The following LTBP1 variants were observed in gnomAD, a reference collection of about 807,000 sequenced individuals.
The protein encoded by LTBP1 is latent-transforming growth factor beta-binding protein 1.
A neutral mutation model predicts 207.6 loss-of-function variants in LTBP1; 129 were observed. That is an observed-to-expected ratio of 0.62 (90% CI 0.54 to 0.72). LTBP1 has a LOEUF of 0.72. Among genes scored for constraint, LTBP1 ranks in the 30% least tolerant of loss-of-function variants. LTBP1 has a pLI of 0.00. For synonymous variants in LTBP1, 963 were observed against 833.7 expected, an observed-to-expected ratio of 1.16 and a Z score of -2.67; for missense variants, 2,281 against 2,217.2, an observed-to-expected ratio of 1.03 and a Z score of -0.58.
At chr2:33,119,453 C>G (rs527787205) in intron 4 of LTBP1, among the ~76,000 whole-genome samples, 10 of 152,176 alleles carry the variant, frequency 6.6e-5, no homozygotes, top group Non-Finnish European at 1.5e-4. Flanking sequence ...GCTTTGTCTT[C>G]TCATGAATTA....
chr2:33,051,892 C>T (rs1180904860), intron 3 of LTBP1, among the ~76,000 whole-genome samples: 1 of 152,204 alleles, frequency 6.6e-6, no homozygotes, highest in African/African-American at 2.4e-5. Context: ...TAGGCACATA[C>T]TTTCATTTCC....
intron 3 of LTBP1, among the ~76,000 whole-genome samples, chr2:33,033,863 C>T (rs1360841038): frequency 6.6e-6 from 1 of 152,122 alleles, no homozygotes; most frequent in Non-Finnish European, 1.5e-5. Context: ...TGCTATTTTG[C>T]GTATGGACAG....
At chr2:33,259,692 C>A in intron 13 of LTBP1, 82 bp downstream of exon 13, 4 of 1,318,330 alleles carry the variant, frequency 3.0e-6, no homozygotes, top group Non-Finnish European at 4.2e-6. Context: ...ATTTTTTAGA[C>A]TTAAATATAG....
chr2:33,005,370 G>C (rs996256249), intron 2 of LTBP1, among the ~76,000 whole-genome samples: 1 of 152,148 alleles, frequency 6.6e-6, no homozygotes, highest in Non-Finnish European at 1.5e-5. Context: ...AGCTTAGCTG[G>C]GGTTGTTGGC....
rs1011892067 is a variant in LTBP1 at position 33,333,394 on chromosome 2, A to T, written c.3731-9444A>T. Among the ~76,000 whole-genome samples the T allele has an allele frequency of 3.3e-5, 5 of 152,330 alleles. No individual in the cohort carries two copies. The South Asian group carries it at 8.3e-4, about 25-fold the overall frequency. ...GGGTTAGAGGAGCAGGAGAAAACTC[A>T]GGATATCTTCTAGGATATTGTTATA... is the stretch of plus-strand genomic sequence containing the variant. On this transcript the variant is annotated intron_variant, in intron 24 of 33. Transcript: ENST00000404816.
chr2:33,229,530 C>T (rs1316096909), intron 9 of LTBP1, among the ~76,000 whole-genome samples: 1 of 152,054 alleles, frequency 6.6e-6, no homozygotes, highest in Non-Finnish European at 1.5e-5. Context: ...GAAAGTTGTA[C>T]AATACATTTC....
Position 33,326,640 on chromosome 2 carries a change from A to AATTTATTT in LTBP1, c.3730+11396_3730+11403dup, listed in dbSNP as rs10529829. Reference sequence around the variant, plus strand: ...TACTGAAAATGAGAATGAGGGATATAATTTATTTATTTATTTATTTATTTA... The same window carrying AATTTATTT: ...TACTGAAAATGAGAATGAGGGATATAATTTATTTATTTATTTATTTATTTATTTATTTA... On this transcript the variant is annotated intron_variant, in intron 24 of 33. Coordinates refer to ENST00000404816, the MANE Select transcript of LTBP1 (RefSeq NM_206943.4). Among the ~76,000 whole-genome samples, 692 of 144,648 alleles carry AATTTATTT rather than the reference A, an allele frequency of 4.8e-3. 5 individuals carry two copies. The highest frequency in any genetic ancestry group is 0.034 in the South Asian group (153 of 4,458). The allele number at this position is 144,648 out of a possible 152,430, so 94.9% of individuals were successfully genotyped here. A position where few individuals can be genotyped will look rare whatever the true frequency, so the allele number is the denominator to read the frequency against.
intron 2 of LTBP1, among the ~76,000 whole-genome samples, chr2:32,972,908 T>A (rs964930554): frequency 6.6e-6 from 1 of 152,196 alleles, no homozygotes. Flanking sequence ...TCTCAGGTAG[T>A]ATCGTTATAG....
intron 19 of LTBP1, among the ~76,000 whole-genome samples, chr2:33,287,452 AAG>A (rs1487307335): frequency 1.3e-5 from 2 of 152,346 alleles, no homozygotes; most frequent in East Asian, 1.9e-4. Flanking sequence ...AGGAAAATAA[AAG>A]AGCATAGAAA....
At chr2:33,390,839 G>A (rs1049630398) in intron 32 of LTBP1, among the ~76,000 whole-genome samples, 12 of 152,004 alleles carry the variant, frequency 7.9e-5, no homozygotes, top group African/African-American at 2.9e-4. Context: ...GTTTGACTTA[G>A]GACTTTAGAG....
At chr2:33,072,362 T>C (rs1445942100) in intron 3 of LTBP1, among the ~76,000 whole-genome samples, 8 of 152,126 alleles carry the variant, frequency 5.3e-5, no homozygotes, top group Non-Finnish European at 8.8e-5. Context: ...GGAGACTTCA[T>C]TGGATAGGCA....
intron 7 of LTBP1, among the ~76,000 whole-genome samples, chr2:33,214,695 G>T (rs2090553458): frequency 6.6e-6 from 1 of 152,122 alleles, no homozygotes; most frequent in African/African-American, 2.4e-5. Context: ...GTCACTCATT[G>T]TTTATCCAGT....
intron 3 of LTBP1, among the ~76,000 whole-genome samples, chr2:33,082,005 C>T (rs1263666575): frequency 6.6e-6 from 1 of 152,136 alleles, no homozygotes; most frequent in Non-Finnish European, 1.5e-5. Flanking sequence ...ATAAATTACC[C>T]AGTCTTGGGT....
chr2:32,948,574 A>G (rs1676627513), intron 1 of LTBP1, among the ~76,000 whole-genome samples: 1 of 152,184 alleles, frequency 6.6e-6, no homozygotes, highest in South Asian at 2.1e-4. Flanking sequence ...GAAAAAATAA[A>G]TTTGGCTCTA....
intron 2 of LTBP1, among the ~76,000 whole-genome samples, chr2:33,003,651 C>A (rs1183128130): frequency 6.6e-6 from 1 of 152,156 alleles, no homozygotes; most frequent in African/African-American, 2.4e-5. Context: ...TTCCTTCCAA[C>A]CTTGTGGAAA....
At chr2:33,366,905 A>G (rs2094995260) in intron 31 of LTBP1, among the ~76,000 whole-genome samples, 1 of 152,116 alleles carries the variant, frequency 6.6e-6, no homozygotes, top group African/African-American at 2.4e-5. Flanking sequence ...TTATTTATGC[A>G]GTGGTTTTAT....
intron 7 of LTBP1, among the ~76,000 whole-genome samples, chr2:33,216,645 TC>T (rs1266022629): frequency 6.6e-6 from 1 of 152,196 alleles, no homozygotes; most frequent in East Asian, 1.9e-4. Context: ...CCTTGGATGC[TC>T]TGTGTTTGCA....
intron 32 of LTBP1, among the ~76,000 whole-genome samples, chr2:33,394,197 C>T (rs1558355656): frequency 1.3e-5 from 2 of 151,960 alleles, no homozygotes; most frequent in African/African-American, 4.8e-5. Context: ...GATATTAGCC[C>T]TTTTGTCAGA....
rs767996077 is a variant in LTBP1, at chr2:33,397,248, G to T, written c.4950G>T (p.Gly1650=). The stretch of plus-strand genomic sequence containing the variant: ...GTTACACCTGCGATTGCTTTGATGG[G>T]TATCACTTGGATACGGCCAAGATGA... ...QEGYTCDCFD[G]YHLDTAKMTC... Residue 1650 remains glycine (G), a synonymous_variant, in exon 33 of 34, where the codon GGG becomes GGT. Transcript: ENST00000404816. 3.1e-6 allele frequency: 5 copies of T among 1,613,950 alleles called. No homozygotes were observed. Among genetic ancestry groups the T allele is most frequent in the Admixed American group, 3.3e-5 (2 of 59,994 alleles).
Sources: gnomAD v4.1 joint callset for allele counts (sites outside exome capture counted in the v4.1 genomes callset) on GRCh38, gnomAD v4.1.1 for gene constraint, MANE v1.5 for transcripts, NCBI Gene and HGNC (gene_info 2026-07-23, HGNC 2026-07-21) for gene names.